Variants in TENM3 observed in about 807,000 individuals in gnomAD.
TENM3 encodes teneurin-3.
A neutral mutation model predicts 255.1 loss-of-function variants in TENM3; 63 were observed. The ratio of observed to expected loss-of-function variants is 0.25; its 90% CI spans 0.20 to 0.30. The LOEUF is 0.30. TENM3 is among the 10% of genes least tolerant of loss of function. The pLI, the probability that TENM3 is intolerant of heterozygous loss-of-function variation, is 1.00. For synonymous variants in TENM3, 1,306 were observed against 1,322.3 expected (o/e 0.99, Z 0.27); for missense variants, 2,929 against 3,461.1 (o/e 0.85, Z 3.86).
At chr4:182,075,450 G>A in the TENM3 span, among the ~76,000 whole-genome samples, 14 of 152,032 alleles carry the variant, frequency 9.2e-5, no homozygotes, top group Middle Eastern at 3.2e-3. Flanking sequence ...CACCCGCCTT[G>A]GCCTCCCAAA....
chr4:182,292,124 C>T (rs1391866436), intron 1 of TENM3, among the ~76,000 whole-genome samples: 1 of 152,024 alleles, frequency 6.6e-6, no homozygotes, highest in Non-Finnish European at 1.5e-5. Context: ...GGCTAAAGAA[C>T]AATTTGGCAC....
intron 22 of TENM3, among the ~76,000 whole-genome samples, chr4:182,770,732 G>A (rs118108635): frequency 4.6e-5 from 7 of 152,160 alleles, no homozygotes; most frequent in Non-Finnish European, 8.8e-5. Flanking sequence ...AAATTGTCAC[G>A]TATATGACCT....
At chr4:181,775,741 A>G in the TENM3 span, among the ~76,000 whole-genome samples, 2 of 152,112 alleles carry the variant, frequency 1.3e-5, no homozygotes, top group African/African-American at 2.4e-5. Context: ...CACCCAGCCT[A>G]CATTTCCTCC....
At chr4:181,485,080 C>T in the TENM3 span, among the ~76,000 whole-genome samples, 3 of 152,058 alleles carry the variant, frequency 2.0e-5, no homozygotes, top group Non-Finnish European at 2.9e-5. Context: ...CAGCTGGAAG[C>T]GTCCTTGTTT....
intron 4 of TENM3, among the ~76,000 whole-genome samples, chr4:182,628,319 A>T (rs545127238): frequency 2.0e-5 from 3 of 152,218 alleles, no homozygotes; most frequent in South Asian, 4.2e-4. Context: ...ACATTCCAAA[A>T]TGGTTTTGTT....
At chr4:182,422,553 G>A (rs1770915836) in intron 3 of TENM3, among the ~76,000 whole-genome samples, 1 of 152,204 alleles carries the variant, frequency 6.6e-6, no homozygotes, top group Non-Finnish European at 1.5e-5. Flanking sequence ...ACTGAGCAGG[G>A]AAGGTCCCAA....
At chr4:181,641,658 A>G in the TENM3 span, among the ~76,000 whole-genome samples, 1 of 105,448 alleles carries the variant, frequency 9.5e-6, no homozygotes, top group African/African-American at 3.6e-5. Context: ...ATATATATAT[A>G]CCATGGAATA....
At chr4:181,505,460 T>C in the TENM3 span, among the ~76,000 whole-genome samples, 1 of 152,234 alleles carries the variant, frequency 6.6e-6, no homozygotes, top group South Asian at 2.1e-4. Context: ...CTATTTATTT[T>C]CTTTTTTCCT....
the TENM3 span, among the ~76,000 whole-genome samples, chr4:181,828,599 T>C: frequency 1.8e-3 from 277 of 152,244 alleles, no homozygotes; most frequent in Non-Finnish European, 2.8e-3. Context: ...TTTCTTTTTT[T>C]ATAAGATGGG....
the TENM3 span, among the ~76,000 whole-genome samples, chr4:181,918,484 A>G: frequency 6.6e-6 from 1 of 152,174 alleles, no homozygotes; most frequent in African/African-American, 2.4e-5. Context: ...AGTTTGTTAA[A>G]TAGATTCCAA....
intron 3 of TENM3, among the ~76,000 whole-genome samples, chr4:182,363,603 G>A (rs762922068): frequency 1.1e-4 from 17 of 151,670 alleles, no homozygotes; most frequent in African/African-American, 3.6e-4. Context: ...ATGAACACTC[G>A]AGACAAACAT....
the TENM3 span, among the ~76,000 whole-genome samples, chr4:181,448,328 C>T: frequency 1.4e-5 from 2 of 146,448 alleles, no homozygotes; most frequent in African/African-American, 2.5e-5. Context: ...CCCACCACTA[C>T]GCCCGGCTAA....
At chr4:182,241,075 C>T (rs1452633500), upstream of TENM3, among the ~76,000 whole-genome samples, 2 of 152,124 alleles carry the variant, frequency 1.3e-5, no homozygotes, top group Non-Finnish European at 2.9e-5. Context: ...TCCACATGGT[C>T]CCCTTAATCT....
At chr4:182,461,449 G>C (rs1199442488) in intron 3 of TENM3, among the ~76,000 whole-genome samples, 1 of 152,150 alleles carries the variant, frequency 6.6e-6, no homozygotes, top group Non-Finnish European at 1.5e-5. Context: ...TAGAAAAGTG[G>C]GTTGGAACCA....
chr4:182,405,903 G>A (rs547414031), intron 3 of TENM3, among the ~76,000 whole-genome samples: 1 of 152,308 alleles, frequency 6.6e-6, no homozygotes, highest in African/African-American at 2.4e-5. Context: ...TGGGTCGGGA[G>A]GGAGCCTCTG....
chr4:181,452,012 C>G, the TENM3 span, among the ~76,000 whole-genome samples: 1 of 151,992 alleles, frequency 6.6e-6, no homozygotes, highest in African/African-American at 2.4e-5. Context: ...GGAGGAAAAC[C>G]TGGAGAGTCG....
chr4:182,194,756 A>C (rs1005640560), intron 1 of TENM3, among the ~76,000 whole-genome samples: 1 of 152,040 alleles, frequency 6.6e-6, no homozygotes, highest in Non-Finnish European at 1.5e-5. Context: ...TATGACAAAC[A>C]TTTTTTTCTC....
intron 1 of TENM3, among the ~76,000 whole-genome samples, chr4:182,152,749 T>TA (rs1407845371): frequency 6.6e-6 from 1 of 151,922 alleles, no homozygotes; most frequent in Non-Finnish European, 1.5e-5. Flanking sequence ...TAAAGTTTTT[T>TA]ATCCTGTGTT....
intron 3 of TENM3, among the ~76,000 whole-genome samples, chr4:182,518,822 G>A (rs993446333): frequency 1.3e-5 from 2 of 152,226 alleles, no homozygotes; most frequent in African/African-American, 4.8e-5. Flanking sequence ...TTGTTACTTA[G>A]CAATAAAAAA....
Sources: allele counts gnomAD v4.1 joint callset (sites outside exome capture counted in the v4.1 genomes callset), GRCh38; gene constraint gnomAD v4.1.1; transcripts MANE v1.5; gene names NCBI Gene and HGNC (gene_info 2026-07-23, HGNC 2026-07-21).